The following DGKB variants were observed in gnomAD, a reference collection of about 807,000 sequenced individuals.
The protein encoded by DGKB is 90 kDa diacylglycerol kinase.
Under a neutral mutation model 114.3 loss-of-function variants are expected in DGKB, and 67 were observed. The ratio of observed to expected loss-of-function variants is 0.59; its 90% CI spans 0.48 to 0.72. The LOEUF (loss-of-function observed/expected upper bound fraction) is 0.72. Among genes scored for constraint, DGKB ranks in the 30% least tolerant of loss-of-function variants. The pLI is 0.00. For synonymous variants in DGKB, 398 were observed against 323.1 expected, an observed-to-expected ratio of 1.23 and a Z score of -2.49; for missense variants, 907 against 975.2, an observed-to-expected ratio of 0.93 and a Z score of 0.93.
intron 13 of DGKB, among the ~76,000 whole-genome samples, chr7:14,661,596 C>T (rs540279464): frequency 3.4e-4 from 52 of 152,164 alleles, no homozygotes; most frequent in African/African-American, 1.2e-3. Context: ...AACACTTTTA[C>T]ACTGCTGGTA....
At chr7:14,626,410 T>G (rs1808599152) in intron 14 of DGKB, among the ~76,000 whole-genome samples, 1 of 152,208 alleles carries the variant, frequency 6.6e-6, no homozygotes, top group South Asian at 2.1e-4. Flanking sequence ...ACTGCACAAC[T>G]TGCCTGAATG....
chr7:14,428,478 CAG>C (rs1827921508), intron 21 of DGKB, among the ~76,000 whole-genome samples: 6 of 152,226 alleles, frequency 3.9e-5, no homozygotes, highest in African/African-American at 1.4e-4. Flanking sequence ...TAAAATAAAA[CAG>C]TGTGATTTCC....
chr7:14,220,262 T>C (rs187200146), intron 23 of DGKB, among the ~76,000 whole-genome samples: 6 of 151,718 alleles, frequency 4.0e-5, no homozygotes, highest in Non-Finnish European at 8.9e-5. Flanking sequence ...ATATATGCAG[T>C]CCATCATTGA....
chr7:14,438,147 G>A (rs189491833), intron 21 of DGKB, among the ~76,000 whole-genome samples: 1 of 152,052 alleles, frequency 6.6e-6, no homozygotes, highest in South Asian at 2.1e-4. Context: ...GATACTAGGA[G>A]AAATTAATTC....
chr7:14,348,753 T>C (rs1345068401), intron 21 of DGKB, among the ~76,000 whole-genome samples: 1 of 151,866 alleles, frequency 6.6e-6, no homozygotes, highest in African/African-American at 2.4e-5. Flanking sequence ...CTTCAATGAT[T>C]CAGCTAATTT....
rs756450805 is a variant in DGKB at position 14,736,172 on chromosome 7, T to C, written c.191A>G (p.Lys64Arg). The change falls in exon 5 of 26, where the codon AAA becomes AGA. Residue 64 changes from lysine to arginine, a missense_variant. Lys to Arg is a conservative substitution (Grantham distance 26, BLOSUM62 2). Around this residue, in one of 3 missense-constraint regions of DGKB, gnomAD observed 814 missense variants for 856.6 expected, o/e 0.95. Transcript: ENST00000402815. Reference protein sequence around the residue: ...LNQTIDFEGFKLFMKTFLEAE... With the variant: ...LNQTIDFEGFRLFMKTFLEAE... ...TTCCAGGAATGTCTTCATGAATAGT[T>C]TGAAACCTTCAAAATCTATTGTCTG... 1 of 1,588,472 alleles carries C rather than the reference T, an allele frequency of 6.3e-7. No individual in the cohort carries two copies. The highest frequency in any genetic ancestry group is 1.2e-5 in the South Asian group (1 of 86,790).
chr7:14,903,700 C>G (rs886327511), upstream of DGKB, among the ~76,000 whole-genome samples: 9 of 152,094 alleles, frequency 5.9e-5, no homozygotes, highest in African/African-American at 2.2e-4. Context: ...TTGGGAGAAA[C>G]TCTATGTATG....
At chr7:14,384,485 T>C (rs190949930) in intron 21 of DGKB, among the ~76,000 whole-genome samples, 1 of 151,988 alleles carries the variant, frequency 6.6e-6, no homozygotes. Context: ...GTTTACTATC[T>C]GGATTCATAC....
chr7:14,345,969 C>G (rs900464303), intron 21 of DGKB, among the ~76,000 whole-genome samples: 1 of 150,222 alleles, frequency 6.7e-6, no homozygotes, highest in Non-Finnish European at 1.5e-5. Context: ...TTACAAAGGT[C>G]AAATAGATTT....
chr7:14,364,011 C>G (rs969781957), intron 21 of DGKB, among the ~76,000 whole-genome samples: 4 of 152,088 alleles, frequency 2.6e-5, no homozygotes, highest in Admixed American at 2.6e-4. Flanking sequence ...GGCAAATCAA[C>G]AAGTTTCTAT....
Position 14,706,776 on chromosome 7 carries a change from A to G in DGKB, c.467-5046T>C, listed in dbSNP as rs1446630985. 1.1e-4 allele frequency among the ~76,000 whole-genome samples: 12 copies of G among 106,818 alleles called. No homozygotes were observed. In the East Asian group the frequency reaches 3.4e-3, roughly 30 times the overall value. The allele number at this position is 106,818 out of a possible 152,430, so 70.1% of individuals were successfully genotyped here. A position where few individuals can be genotyped will look rare whatever the true frequency, so the allele number is the denominator to read the frequency against. ...ATGTTCTTTGAAACCAACGAGAACA[A>G]AGACACAACATACCAGAATCTCTGG... On this transcript the variant is annotated intron_variant, in intron 6 of 25. Coordinates refer to ENST00000402815, the MANE Select transcript of DGKB (RefSeq NM_001350709.2).
intron 1 of DGKB, among the ~76,000 whole-genome samples, chr7:14,938,290 G>T (rs1587418404): frequency 6.6e-6 from 1 of 152,106 alleles, no homozygotes; most frequent in African/African-American, 2.4e-5. Flanking sequence ...TAATTTTAAA[G>T]GTGGTATCTA....
chr7:14,736,797 T>C (rs1279223043), intron 4 of DGKB, among the ~76,000 whole-genome samples: 1 of 152,234 alleles, frequency 6.6e-6, no homozygotes, highest in Non-Finnish European at 1.5e-5. Context: ...ATTGCAGAAC[T>C]ATATAAATGA....
At chr7:14,207,678 T>C (rs1787055001) in intron 23 of DGKB, among the ~76,000 whole-genome samples, 1 of 151,972 alleles carries the variant, frequency 6.6e-6, no homozygotes, top group African/African-American at 2.4e-5. Flanking sequence ...GATTCTGTGG[T>C]TTACAAGTAA....
At chr7:14,574,742 T>C (rs931486326) in intron 19 of DGKB, among the ~76,000 whole-genome samples, 1 of 152,192 alleles carries the variant, frequency 6.6e-6, no homozygotes, top group Non-Finnish European at 1.5e-5. Context: ...CACCATCCTC[T>C]ACCCAGCTGC....
chr7:14,745,242 G>A (rs1316062658), intron 4 of DGKB, among the ~76,000 whole-genome samples: 1 of 152,138 alleles, frequency 6.6e-6, no homozygotes, highest in Non-Finnish European at 1.5e-5. Flanking sequence ...AACTCCAAGC[G>A]ATCATGCAAC....
intron 21 of DGKB, among the ~76,000 whole-genome samples, chr7:14,362,631 G>A (rs1333889961): frequency 1.4e-5 from 2 of 138,804 alleles, no homozygotes; most frequent in Non-Finnish European, 1.5e-5. Flanking sequence ...CATTCTTAGA[G>A]TGTATATACA....
At chr7:14,833,091 G>A (rs1357757649) in intron 2 of DGKB, among the ~76,000 whole-genome samples, 1 of 151,916 alleles carries the variant, frequency 6.6e-6, no homozygotes, top group Non-Finnish European at 1.5e-5. Flanking sequence ...ATATTCAGTT[G>A]GTGATTGAAT....
chr7:14,450,202 C>A (rs537448894), intron 21 of DGKB, among the ~76,000 whole-genome samples: 1 of 152,020 alleles, frequency 6.6e-6, no homozygotes, highest in Non-Finnish European at 1.5e-5. Context: ...TGGTTAACAC[C>A]AAATTCCTGA....
Sources: gnomAD v4.1 joint callset for allele counts (sites outside exome capture counted in the v4.1 genomes callset) on GRCh38, gnomAD v4.1.1 for gene constraint, gnomAD v4.1.1 regional missense constraint, MANE v1.5 for transcripts, NCBI Gene and HGNC (gene_info 2026-07-23, HGNC 2026-07-21) for gene names.